Variants in GRM8 observed in about 807,000 individuals in gnomAD.
The protein encoded by GRM8 is metabotropic glutamate receptor 8.
In GRM8, 47 loss-of-function variants were observed where a neutral mutation model predicts 87.2. The ratio of observed to expected loss-of-function variants is 0.54; its 90% confidence interval spans 0.43 to 0.69. The LOEUF (loss-of-function observed/expected upper bound fraction) is 0.69, where lower values mean the gene tolerates loss of function less well. Among genes scored for constraint, GRM8 ranks in the 30% least tolerant of loss-of-function variants. The pLI, the probability that GRM8 is intolerant of heterozygous loss-of-function variation, is 0.00. For synonymous variants in GRM8, 396 were observed against 404.5 expected, an observed-to-expected ratio of 0.98 and a Z score of 0.25; for missense variants, 1,019 against 1,139.2, an observed-to-expected ratio of 0.89 and a Z score of 1.52.
At chr7:126,901,585 C>A (rs1802079305) in intron 6 of GRM8, among the ~76,000 whole-genome samples, 1 of 152,068 alleles carries the variant, frequency 6.6e-6, no homozygotes, top group East Asian at 1.9e-4. Flanking sequence ...TATGTCTGTG[C>A]TAGCTTTTAG....
intron 6 of GRM8, among the ~76,000 whole-genome samples, chr7:126,884,426 A>G (rs1198343864): frequency 1.3e-5 from 2 of 152,182 alleles, no homozygotes; most frequent in East Asian, 3.9e-4. Context: ...ACAAATGGAT[A>G]TCAGTAGCTT....
intron 2 of GRM8, among the ~76,000 whole-genome samples, chr7:127,209,029 T>C (rs940993085): frequency 2.6e-5 from 4 of 152,176 alleles, no homozygotes; most frequent in African/African-American, 9.7e-5. Context: ...ATAGGTAAAA[T>C]GAAGTTCTGC....
At chr7:127,013,922 G>A (rs954825046) in intron 3 of GRM8, among the ~76,000 whole-genome samples, 7 of 152,130 alleles carry the variant, frequency 4.6e-5, no homozygotes, top group African/African-American at 1.7e-4. Flanking sequence ...TTAATGTAAA[G>A]CAAATTGACA....
chr7:126,765,930 G>C (rs1818147762), intron 7 of GRM8, among the ~76,000 whole-genome samples: 1 of 152,020 alleles, frequency 6.6e-6, no homozygotes, highest in Non-Finnish European at 1.5e-5. Flanking sequence ...ATCAGTTTCA[G>C]TGATTACATT....
chr7:126,972,281 A>C (rs1276804401), intron 3 of GRM8, among the ~76,000 whole-genome samples: 1 of 152,200 alleles, frequency 6.6e-6, no homozygotes, highest in Non-Finnish European at 1.5e-5. Context: ...AAAAAAGAAA[A>C]ATCAAATTGC....
At chr7:126,528,012 T>C (rs887926235) in intron 9 of GRM8, among the ~76,000 whole-genome samples, 16 of 152,184 alleles carry the variant, frequency 1.1e-4, no homozygotes, top group Non-Finnish European at 1.9e-4. Flanking sequence ...GAGACCATCC[T>C]GGCCAACATG....
chr7:126,766,540 C>T (rs991904346), intron 7 of GRM8, among the ~76,000 whole-genome samples: 11 of 152,048 alleles, frequency 7.2e-5, no homozygotes, highest in Non-Finnish European at 1.5e-4. Flanking sequence ...CCTTTTGTAG[C>T]TCACTGATCC....
At chr7:126,720,499 G>A (rs2151451177) in intron 7 of GRM8, among the ~76,000 whole-genome samples, 1 of 152,106 alleles carries the variant, frequency 6.6e-6, no homozygotes, top group South Asian at 2.1e-4. Flanking sequence ...AAACCTTCCT[G>A]ACAAGGGTTT....
intron 8 of GRM8, among the ~76,000 whole-genome samples, chr7:126,569,475 A>G (rs1306888060): frequency 1.3e-5 from 2 of 152,214 alleles, no homozygotes; most frequent in Non-Finnish European, 2.9e-5. Context: ...ATATTCTACT[A>G]CAGGAAGAAA....
chr7:127,185,632 T>C (rs1458107259), intron 2 of GRM8, among the ~76,000 whole-genome samples: 1 of 152,150 alleles, frequency 6.6e-6, no homozygotes, highest in Non-Finnish European at 1.5e-5. Context: ...TATGAAAAAG[T>C]TCATTCCTTA....
At chr7:127,013,572 ACCCTGATG>A (rs1815108789) in intron 3 of GRM8, among the ~76,000 whole-genome samples, 1 of 152,080 alleles carries the variant, frequency 6.6e-6, no homozygotes, top group Non-Finnish European at 1.5e-5. Flanking sequence ...ATGAAGAGTT[ACCCTGATG>A]TGTAGCCTTT....
intron 2 of GRM8, among the ~76,000 whole-genome samples, chr7:127,128,815 T>C (rs1164343253): frequency 6.6e-6 from 1 of 152,136 alleles, no homozygotes; most frequent in East Asian, 1.9e-4. Context: ...TTCCCTGTCA[T>C]ATTCACTGCT....
chr7:126,918,602 T>C (rs2131343970), intron 3 of GRM8, among the ~76,000 whole-genome samples: 1 of 152,334 alleles, frequency 6.6e-6, no homozygotes, highest in Admixed American at 6.5e-5. Flanking sequence ...CTACAAGGCT[T>C]TACTTTAATG....
chr7:126,826,190 T>C (rs1253801606), intron 6 of GRM8, among the ~76,000 whole-genome samples: 1 of 152,136 alleles, frequency 6.6e-6, no homozygotes, highest in Admixed American at 6.5e-5. Context: ...TACGTGTGCA[T>C]GTGTCTTTAT....
chr7:126,971,189 A>C (rs939920493), intron 3 of GRM8, among the ~76,000 whole-genome samples: 7 of 143,626 alleles, frequency 4.9e-5, no homozygotes, highest in African/African-American at 1.5e-4. Context: ...AAAAAACACT[A>C]TCTGTAAAGT....
At chr7:127,165,000 T>C (rs1235101225) in intron 2 of GRM8, among the ~76,000 whole-genome samples, 1 of 151,564 alleles carries the variant, frequency 6.6e-6, no homozygotes, top group East Asian at 1.9e-4. Context: ...TTAGGTACTA[T>C]ATTACCATTT....
At chr7:126,777,370 C>T (rs1819590728) in intron 6 of GRM8, among the ~76,000 whole-genome samples, 1 of 152,052 alleles carries the variant, frequency 6.6e-6, no homozygotes, top group Non-Finnish European at 1.5e-5. Context: ...ATAACTTACC[C>T]AACATTGCAA....
intron 2 of GRM8, among the ~76,000 whole-genome samples, chr7:127,148,406 A>C (rs1828664207): frequency 6.6e-6 from 1 of 151,050 alleles, no homozygotes; most frequent in African/African-American, 2.4e-5. Context: ...TCAACAATAG[A>C]TAGATGAAGC....
chr7:127,135,223 A>G (rs2133241087), intron 2 of GRM8, among the ~76,000 whole-genome samples: 1 of 152,228 alleles, frequency 6.6e-6, no homozygotes, highest in East Asian at 1.9e-4. Flanking sequence ...TATTTAACCC[A>G]TTCAAAAGAA....
Sources: gnomAD v4.1 joint callset for allele counts (sites outside exome capture counted in the v4.1 genomes callset) on GRCh38, gnomAD v4.1.1 for gene constraint, MANE v1.5 for transcripts, NCBI Gene and HGNC (gene_info 2026-07-23, HGNC 2026-07-21) for gene names.